CDH12: variants seen among roughly 807,000 people sequenced by gnomAD.
CDH12 encodes the protein cadherin 12.
Under a neutral mutation model 74.1 loss-of-function variants are expected in CDH12, and 41 were observed. That is an observed-to-expected ratio of 0.55 (90% CI 0.43 to 0.72). The LOEUF is 0.72. Ranked by LOEUF, CDH12 falls within the 30% of genes least tolerant of loss-of-function variation. CDH12 has a pLI of 0.00. For missense variants in CDH12, 945 were observed against 977.2 expected (o/e 0.97, Z 0.44); for synonymous variants, 399 against 355.0 (o/e 1.12, Z -1.39).
intron 5 of CDH12, among the ~76,000 whole-genome samples, chr5:22,035,047 G>GT: frequency 6.6e-6 from 1 of 152,222 alleles, no homozygotes; most frequent in South Asian, 2.1e-4. Flanking sequence ...TCTGCTGTAC[G>GT]TTTTTTCACT....
At chr5:22,600,720 T>G (rs1048059710) in intron 1 of CDH12, among the ~76,000 whole-genome samples, 1 of 152,074 alleles carries the variant, frequency 6.6e-6, no homozygotes. Flanking sequence ...TAGTTTATCT[T>G]TTTTTCACCT....
chr5:22,777,376 T>C (rs549535367), intron 1 of CDH12, among the ~76,000 whole-genome samples: 3 of 152,146 alleles, frequency 2.0e-5, no homozygotes, highest in East Asian at 1.9e-4. Context: ...TAGGTTAGGA[T>C]AGACATAATT....
chr5:22,038,199 C>A (rs1433038377), intron 5 of CDH12, among the ~76,000 whole-genome samples: 2 of 152,162 alleles, frequency 1.3e-5, no homozygotes, highest in Non-Finnish European at 2.9e-5. Context: ...TGGCCTAATA[C>A]CCTTCCATCC....
At chr5:22,440,002 C>T (rs1744560930) in intron 2 of CDH12, among the ~76,000 whole-genome samples, 1 of 151,878 alleles carries the variant, frequency 6.6e-6, no homozygotes, top group Admixed American at 6.6e-5. Flanking sequence ...TTTTACTATC[C>T]TCATTACTAC....
intron 3 of CDH12, among the ~76,000 whole-genome samples, chr5:22,389,982 T>C (rs1561366894): frequency 1.3e-5 from 2 of 151,110 alleles, no homozygotes; most frequent in East Asian, 3.9e-4. Flanking sequence ...TAAAGCCATA[T>C]TTTATAAGAT....
At chr5:21,853,302 G>T (rs1051490773) in intron 7 of CDH12, among the ~76,000 whole-genome samples, 1 of 151,330 alleles carries the variant, frequency 6.6e-6, no homozygotes, top group African/African-American at 2.4e-5. Flanking sequence ...AAACTCTATC[G>T]AAATCAGAGG....
At chr5:22,802,571 G>A (rs989983065) in intron 1 of CDH12, among the ~76,000 whole-genome samples, 1 of 151,984 alleles carries the variant, frequency 6.6e-6, no homozygotes, top group African/African-American at 2.4e-5. Flanking sequence ...TTTAAATTGC[G>A]AGGCAGTATT....
intron 6 of CDH12, among the ~76,000 whole-genome samples, chr5:21,967,537 G>T (rs1756639714): frequency 6.6e-6 from 1 of 152,070 alleles, no homozygotes; most frequent in Admixed American, 6.6e-5. Context: ...TATATTTAAT[G>T]CTTAGAGTCA....
At chr5:22,243,342 C>A (rs556726615) in intron 3 of CDH12, among the ~76,000 whole-genome samples, 1 of 151,850 alleles carries the variant, frequency 6.6e-6, no homozygotes, top group African/African-American at 2.4e-5. Flanking sequence ...GCTAACCTAA[C>A]TAAACAAATA....
chr5:22,815,949 A>G (rs896684168), intron 1 of CDH12, among the ~76,000 whole-genome samples: 30 of 152,140 alleles, frequency 2.0e-4, no homozygotes, highest in Non-Finnish European at 3.2e-4. Flanking sequence ...GAAAAAAAAG[A>G]AGGCAAATTG....
chr5:22,191,610 G>T (rs1159690221), intron 4 of CDH12, among the ~76,000 whole-genome samples: 1 of 96,824 alleles, frequency 1.0e-5, no homozygotes, highest in Non-Finnish European at 2.0e-5. Context: ...TGTCGCCCAG[G>T]CTGGAGTGCA....
At chr5:21,947,630 G>T (rs1327324187) in intron 6 of CDH12, among the ~76,000 whole-genome samples, 1 of 152,178 alleles carries the variant, frequency 6.6e-6, no homozygotes, top group Non-Finnish European at 1.5e-5. Context: ...TTTGCAGCCT[G>T]ACCATGCAGT....
At chr5:21,832,779 AAT>A (rs1408631462) in intron 8 of CDH12, among the ~76,000 whole-genome samples, 1 of 119,944 alleles carries the variant, frequency 8.3e-6, no homozygotes, top group Non-Finnish European at 1.6e-5. Flanking sequence ...ATATTATATT[AAT>A]ATATATCATA....
At chr5:22,673,636 C>A (rs1302187163) in intron 1 of CDH12, among the ~76,000 whole-genome samples, 1 of 152,096 alleles carries the variant, frequency 6.6e-6, no homozygotes, top group Non-Finnish European at 1.5e-5. Context: ...TAGTTCTCCT[C>A]ATACCACAGA....
intron 1 of CDH12, among the ~76,000 whole-genome samples, chr5:22,526,169 A>G (rs1194741943): frequency 6.6e-6 from 1 of 152,196 alleles, no homozygotes; most frequent in Non-Finnish European, 1.5e-5. Context: ...AACTAAATCT[A>G]TAAAATTTGT....
chr5:22,004,455 C>T (rs1736817893), intron 5 of CDH12, among the ~76,000 whole-genome samples: 1 of 152,154 alleles, frequency 6.6e-6, no homozygotes, highest in African/African-American at 2.4e-5. Context: ...CACTCATTCT[C>T]ACTGTTTCCT....
intron 1 of CDH12, among the ~76,000 whole-genome samples, chr5:22,808,609 T>A (rs1748942546): frequency 1.4e-5 from 2 of 144,196 alleles, no homozygotes; most frequent in African/African-American, 5.2e-5. Flanking sequence ...TCTTGTCTTT[T>A]TTTTTTTTTT....
chr5:21,863,874 G>T (rs1288563659), intron 6 of CDH12, among the ~76,000 whole-genome samples: 1 of 152,088 alleles, frequency 6.6e-6, no homozygotes, highest in Middle Eastern at 3.2e-3. Flanking sequence ...AAAAGAGAGA[G>T]ATTTCATGTA....
At chr5:22,486,323 C>T (rs979373939) in intron 2 of CDH12, among the ~76,000 whole-genome samples, 2 of 152,100 alleles carry the variant, frequency 1.3e-5, no homozygotes, top group African/African-American at 4.8e-5. Context: ...CACTTTATTG[C>T]CTTCCAGATG....
Sources: gnomAD v4.1 joint callset for allele counts (sites outside exome capture counted in the v4.1 genomes callset) on GRCh38, gnomAD v4.1.1 for gene constraint, MANE v1.5 for transcripts, NCBI Gene and HGNC (gene_info 2026-07-23, HGNC 2026-07-21) for gene names.